Variants in SELP observed in about 807,000 individuals in gnomAD.
SELP encodes selectin P.
In SELP, 92 loss-of-function variants were observed where a neutral mutation model predicts 104.1. That is an observed-to-expected ratio of 0.88 (90% CI 0.75 to 1.05). The LOEUF (loss-of-function observed/expected upper bound fraction) is 1.05. Ranked by LOEUF, SELP falls within the 50% of genes least tolerant of loss-of-function variation. SELP has a pLI of 0.00. For missense variants in SELP, 1,022 were observed against 1,017.3 expected (o/e 1.00, Z -0.06); for synonymous variants, 397 against 364.5 (o/e 1.09, Z -1.01).
intron 1 of SELP, among the ~76,000 whole-genome samples, chr1:169,626,402 C>T (rs1304528099): frequency 3.9e-5 from 6 of 152,284 alleles, no homozygotes; most frequent in Middle Eastern, 3.4e-3. Flanking sequence ...GCCAACATGG[C>T]GAAACCAACT....
chr1:169,621,608 G>C (rs1663141135), intron 1 of SELP, among the ~76,000 whole-genome samples: 2 of 152,100 alleles, frequency 1.3e-5, no homozygotes, highest in African/African-American at 4.8e-5. Flanking sequence ...CAGATACCAG[G>C]GAGAACTCAA....
In SELP at chr1:169,603,168, C is replaced by T. The variant is rs1421824952; in HGVS notation, c.1563G>A (p.Met521Ile). The T allele has an allele frequency of 3.1e-6, 5 of 1,613,960 alleles. No homozygotes were observed. The highest frequency in any genetic ancestry group is 3.4e-6 in the Non-Finnish European group (4 of 1,179,924). ...AACTTCCAAGAGGTTGAACACAGGT[C>T]ATTGTTCCATTCTGAGGGCTTAGCA... ...TPLLSPQNGT[M>I]TCVQPLGSSS... is the part of the protein sequence containing the mutation. Residue 521 changes from methionine (M) to isoleucine (I), a missense_variant, in exon 10 of 17, where the codon ATG becomes ATA. Physicochemically the swap from Met to Ile is conservative, Grantham distance 10. Transcript: ENST00000263686.
At chr1:169,614,435 A>T (rs937183987) in intron 3 of SELP, among the ~76,000 whole-genome samples, 1 of 152,228 alleles carries the variant, frequency 6.6e-6, no homozygotes, top group South Asian at 2.1e-4. Context: ...GAGAAGGGCC[A>T]TGGTTTCTTT....
intron 13 of SELP, among the ~76,000 whole-genome samples, chr1:169,594,398 A>C (rs1661493285): frequency 6.6e-6 from 1 of 152,216 alleles, no homozygotes; most frequent in Admixed American, 6.5e-5. Flanking sequence ...CTCCCAGTTT[A>C]AAACATTTTG....
At chr1:169,602,204 T>C (rs1339492884) in intron 10 of SELP, among the ~76,000 whole-genome samples, 3 of 152,186 alleles carry the variant, frequency 2.0e-5, no homozygotes, top group Admixed American at 6.5e-5. Flanking sequence ...GTCTAGCTGC[T>C]GCAGGGGGTA....
chr1:169,609,427 A>T (rs1662376787), intron 8 of SELP, 77 bp downstream of exon 8: 3 of 1,373,308 alleles, frequency 2.2e-6, no homozygotes, highest in Non-Finnish European at 2.0e-6. Flanking sequence ...AAAGAAAGGC[A>T]TGCCAATGCT....
At chr1:169,609,764 C>T (rs1246292200) in intron 7 of SELP, 75 bp from the exon 8 acceptor site, 10 of 1,355,036 alleles carry the variant, frequency 7.4e-6, no homozygotes, top group Admixed American at 2.3e-5. Flanking sequence ...TTCCTAGATG[C>T]TATATCTTTC....
In SELP at chr1:169,603,307, C is replaced by CTGTGTGTGTG. The variant is rs3035296; in HGVS notation, c.1520-106_1520-97dup. 7.5e-3 allele frequency: 4,549 copies of CTGTGTGTGTG among 604,770 alleles called. 38 individuals carry two copies. Among genetic ancestry groups the CTGTGTGTGTG allele is most frequent in the African/African-American group, 0.033 (1,515 of 45,656 alleles). The allele number at this position is 604,770 out of a possible 1,614,324, so 37.5% of individuals were successfully genotyped here. Reference sequence around the variant, plus strand: ...TCTCTCTCTTTCTCCCTCTCTCTCTCTGTGTGTGTGTGTGTGTGTGTGTGT... The same window carrying CTGTGTGTGTG: ...TCTCTCTCTTTCTCCCTCTCTCTCTCTGTGTGTGTGTGTGTGTGTGTGTGTGTGTGTGTGT... On this transcript the variant is annotated intron_variant, in intron 9 of 16. Coordinates refer to ENST00000263686, the MANE Select transcript of SELP (RefSeq NM_003005.4).
chr1:169,626,110 T>C (rs1374954019), intron 1 of SELP, among the ~76,000 whole-genome samples: 1 of 152,162 alleles, frequency 6.6e-6, no homozygotes, highest in Non-Finnish European at 1.5e-5. Context: ...AAGAAAAAGC[T>C]ATTTCAAAGG....
At chr1:169,611,764 T>C (rs1427483073) in intron 6 of SELP, 87 bp from the exon 7 acceptor site, 12 of 1,317,330 alleles carry the variant, frequency 9.1e-6, no homozygotes, top group Non-Finnish European at 7.4e-6. Context: ...ACCTCTGAAA[T>C]GCAGGTGGAG....
intron 4 of SELP, 146 bp from the exon 5 acceptor site, chr1:169,613,260 C>A: frequency 4.0e-6 from 3 of 753,472 alleles, no homozygotes; most frequent in Non-Finnish European, 6.1e-6. Flanking sequence ...TACTTGGTCT[C>A]TTTGTATTGG....
At position 169,611,666 on chromosome 1, in the gene SELP, G is replaced by A. The variant is rs201595137; in HGVS notation, c.973C>T (p.Gln325Ter). ...CCTTCACTGGGGGCTTCCAGGTGCT[G>A]ACACTGCACAGCTGGAGAGAATAAC... is the stretch of plus-strand genomic sequence containing the variant. The part of the protein sequence containing the change: ...PAPVCKAVQC[Q>*]HLEAPSEGTM... The change falls in exon 7 of 17, where the codon CAG becomes TAG. Residue 325 changes from glutamine to a stop codon, truncating the protein, a stop_gained. Coordinates refer to ENST00000263686, the MANE Select transcript of SELP (RefSeq NM_003005.4). LOFTEE classifies it high-confidence loss of function. 1.3e-5 allele frequency: 21 copies of A among 1,613,960 alleles called. No individual in the cohort carries two copies. The highest frequency in any genetic ancestry group is 1.8e-5 in the Non-Finnish European group (21 of 1,179,936).
chr1:169,608,029 G>A (rs530787993), intron 8 of SELP, among the ~76,000 whole-genome samples: 6 of 152,030 alleles, frequency 3.9e-5, no homozygotes, highest in African/African-American at 1.2e-4. Context: ...TTTTAAGTGT[G>A]TCAAAGAGCT....
intron 14 of SELP, 186 bp from the exon 15 acceptor site, chr1:169,591,642 A>G: frequency 2.3e-6 from 1 of 430,516 alleles, no homozygotes; most frequent in South Asian, 3.8e-5. Context: ...TAAATTAAAC[A>G]TTCGACAATA....
chr1:169,602,714 C>T (rs1327408491), intron 10 of SELP, among the ~76,000 whole-genome samples: 7 of 152,104 alleles, frequency 4.6e-5, no homozygotes, highest in Non-Finnish European at 7.4e-5. Flanking sequence ...TGGGTTCAAG[C>T]GATTCTCCTG....
rs974218943 is a variant in SELP at position 169,596,267 on chromosome 1, A to G, written c.1892-133T>C. ...AGGCTCCTGCAAGAGCTATTTAAGGAAGTTAAGAAAAACTATCAGTGTCAG... is the reference window on the plus strand; with the variant it reads ...AGGCTCCTGCAAGAGCTATTTAAGGGAGTTAAGAAAAACTATCAGTGTCAG... On this transcript the variant is annotated intron_variant, in intron 11 of 16. Coordinates refer to ENST00000263686, the MANE Select transcript of SELP (RefSeq NM_003005.4). 7 of 757,308 alleles carry G rather than the reference A, an allele frequency of 9.2e-6. No individual in the cohort carries two copies. The South Asian group carries it at 1.3e-4, about 14-fold the overall frequency. 46.9% of individuals were successfully genotyped at this position (757,308 alleles called of 1,614,324 possible).
intron 9 of SELP, among the ~76,000 whole-genome samples, chr1:169,604,201 G>C (rs1385256993): frequency 1.3e-5 from 2 of 151,958 alleles, no homozygotes; most frequent in Non-Finnish European, 2.9e-5. Context: ...CTGATGGCCA[G>C]TGATGATGAG....
intron 3 of SELP, among the ~76,000 whole-genome samples, chr1:169,616,699 A>G (rs1026124756): frequency 2.0e-5 from 3 of 152,096 alleles, no homozygotes; most frequent in African/African-American, 7.2e-5. Flanking sequence ...AATTTGGGAG[A>G]CTGGTTTCTG....
rs78394123 is a variant in SELP at position 169,626,153 on chromosome 1, A to T, written c.3+3919T>A. ...GTGGAAGCAAACTGCAGTGTGTTCA[A>T]AGAACATGAAGACATTAGTGTGGCC... On this transcript the variant is annotated intron_variant, in intron 1 of 16. Transcript: ENST00000263686. 7.3e-3 allele frequency among the ~76,000 whole-genome samples: 1,118 copies of T among 152,342 alleles called. 11 individuals carry two copies. Among genetic ancestry groups the T allele is most frequent in the Non-Finnish European group, 0.011 (780 of 68,020 alleles).
Sources: allele counts gnomAD v4.1 joint callset (sites outside exome capture counted in the v4.1 genomes callset), GRCh38; gene constraint gnomAD v4.1.1; transcripts MANE v1.5; gene names NCBI Gene and HGNC (gene_info 2026-07-23, HGNC 2026-07-21).